PRR16: variants seen among roughly 807,000 people sequenced by gnomAD.
PRR16 encodes proline rich 16, also known as protein Largen.
PRR16 carries 6 observed loss-of-function variants against 18.2 expected under a neutral mutation model. The observed-to-expected ratio is 0.33, with a 90% CI of 0.18 to 0.65. The LOEUF (loss-of-function observed/expected upper bound fraction) is 0.65. Among genes scored for constraint, PRR16 ranks in the 30% least tolerant of loss-of-function variants. The probability of loss-of-function intolerance (pLI) is 0.74; values close to 1 mark genes in which losing one functional copy is unlikely to be tolerated. For missense variants in PRR16, 412 were observed against 376.6 expected, an observed-to-expected ratio of 1.09 and a Z score of -0.78; for synonymous variants, 151 against 147.8, an observed-to-expected ratio of 1.02 and a Z score of -0.16.
At chr5:120,760,814 A>G in the PRR16 span, among the ~76,000 whole-genome samples, 1 of 152,112 alleles carries the variant, frequency 6.6e-6, no homozygotes, top group Admixed American at 6.6e-5. Context: ...GAAGTTTGAT[A>G]TACATTACAG....
At chr5:120,528,639 C>G (rs529626838) in intron 1 of PRR16, among the ~76,000 whole-genome samples, 1 of 152,042 alleles carries the variant, frequency 6.6e-6, no homozygotes, top group African/African-American at 2.4e-5. Flanking sequence ...TGGGGGACCT[C>G]AATTTTAAGA....
intron 1 of PRR16, among the ~76,000 whole-genome samples, chr5:120,511,767 G>C (rs1431095238): frequency 6.6e-6 from 1 of 152,170 alleles, no homozygotes; most frequent in Admixed American, 6.6e-5. Flanking sequence ...CTAGGCAACA[G>C]AGGAGAAATA....
chr5:120,742,998 C>T, the PRR16 span, among the ~76,000 whole-genome samples: 8 of 152,210 alleles, frequency 5.3e-5, no homozygotes, highest in African/African-American at 1.7e-4. Context: ...CTAAACACAA[C>T]TGAATAATCC....
At chr5:120,746,239 C>G in the PRR16 span, among the ~76,000 whole-genome samples, 261 of 151,940 alleles carry the variant, frequency 1.7e-3, 6 homozygotes, top group East Asian at 0.035. Flanking sequence ...GTGACCAGAA[C>G]TGTGATTGAA....
chr5:120,703,460 T>C, the PRR16 span, among the ~76,000 whole-genome samples: 3 of 152,212 alleles, frequency 2.0e-5, no homozygotes, highest in Non-Finnish European at 2.9e-5. Flanking sequence ...CTCATGTTGT[T>C]TCATTTCCTG....
At chr5:120,509,969 T>A (rs1288127155) in intron 1 of PRR16, among the ~76,000 whole-genome samples, 1 of 152,156 alleles carries the variant, frequency 6.6e-6, no homozygotes, top group Non-Finnish European at 1.5e-5. Flanking sequence ...CCCTATTCAG[T>A]ATACTGTTCT....
At chr5:120,484,269 A>G (rs1749715366) in intron 1 of PRR16, among the ~76,000 whole-genome samples, 1 of 148,576 alleles carries the variant, frequency 6.7e-6, no homozygotes, top group African/African-American at 2.4e-5. Context: ...ACTGAAAGTT[A>G]AAAAAGAAAA....
At chr5:120,745,031 A>C in the PRR16 span, among the ~76,000 whole-genome samples, 1 of 152,230 alleles carries the variant, frequency 6.6e-6, no homozygotes, top group Non-Finnish European at 1.5e-5. Flanking sequence ...GGTATTTATC[A>C]GAGAGCAGCT....
the PRR16 span, among the ~76,000 whole-genome samples, chr5:120,714,792 C>T: frequency 3.3e-5 from 5 of 152,072 alleles, no homozygotes; most frequent in South Asian, 6.2e-4. Flanking sequence ...ATATACACCA[C>T]GGAATACTAT....
chr5:120,622,611 T>A (rs187881644), intron 1 of PRR16, among the ~76,000 whole-genome samples: 1 of 152,088 alleles, frequency 6.6e-6, no homozygotes, highest in Non-Finnish European at 1.5e-5. Flanking sequence ...CCCGAATAGC[T>A]GGGACTACAG....
At chr5:120,704,117 G>A in the PRR16 span, among the ~76,000 whole-genome samples, 2 of 152,132 alleles carry the variant, frequency 1.3e-5, no homozygotes, top group African/African-American at 4.8e-5. Flanking sequence ...GAGAACACAG[G>A]CTCCTTTCAA....
the PRR16 span, among the ~76,000 whole-genome samples, chr5:120,760,444 G>A: frequency 6.6e-6 from 1 of 151,784 alleles, no homozygotes; most frequent in Admixed American, 6.6e-5. Flanking sequence ...TTAGTTTAAA[G>A]CATATTCCAG....
At chr5:120,582,021 C>A (rs1248110839) in intron 1 of PRR16, among the ~76,000 whole-genome samples, 1 of 152,012 alleles carries the variant, frequency 6.6e-6, no homozygotes, top group East Asian at 1.9e-4. Context: ...TTTATCGCAG[C>A]ACAATTCACA....
intron 1 of PRR16, among the ~76,000 whole-genome samples, chr5:120,588,473 A>G (rs998407428): frequency 5.9e-5 from 9 of 152,160 alleles, no homozygotes; most frequent in Admixed American, 2.0e-4. Context: ...TTCAGCAGCT[A>G]TTGCTAACAA....
At chr5:120,623,468 C>A (rs1019444569) in intron 1 of PRR16, among the ~76,000 whole-genome samples, 1 of 152,136 alleles carries the variant, frequency 6.6e-6, no homozygotes, top group Non-Finnish European at 1.5e-5. Flanking sequence ...TCGCTACTTA[C>A]TAGTTATGTG....
At chr5:120,619,087 T>C (rs1216789499) in intron 1 of PRR16, among the ~76,000 whole-genome samples, 2 of 152,162 alleles carry the variant, frequency 1.3e-5, no homozygotes, top group Non-Finnish European at 2.9e-5. Context: ...TGATAACTCA[T>C]GTTGTTTGGG....
intron 1 of PRR16, among the ~76,000 whole-genome samples, chr5:120,570,295 C>T (rs1179576459): frequency 6.6e-6 from 1 of 151,992 alleles, no homozygotes; most frequent in Non-Finnish European, 1.5e-5. Context: ...ATTCCTAGGT[C>T]TGGCACCATC....
At chr5:120,746,333 G>A in the PRR16 span, among the ~76,000 whole-genome samples, 3 of 151,764 alleles carry the variant, frequency 2.0e-5, no homozygotes, top group South Asian at 2.1e-4. Context: ...ATTTTGATTT[G>A]GGAAACAACT....
intron 1 of PRR16, among the ~76,000 whole-genome samples, chr5:120,632,017 G>A (rs1409907080): frequency 6.6e-6 from 1 of 152,126 alleles, no homozygotes; most frequent in African/African-American, 2.4e-5. Context: ...AGCAGGTGCT[G>A]GTATCCACAG....
Sources: allele counts gnomAD v4.1 joint callset (sites outside exome capture counted in the v4.1 genomes callset), GRCh38; gene constraint gnomAD v4.1.1; transcripts MANE v1.5; gene names NCBI Gene and HGNC (gene_info 2026-07-23, HGNC 2026-07-21).